GAS7: variants seen among roughly 807,000 people sequenced by gnomAD.
GAS7 encodes the protein growth arrest-specific protein 7.
In GAS7, 28 loss-of-function variants were observed where a neutral mutation model predicts 71.1. That is an observed-to-expected ratio of 0.39 (90% confidence interval 0.29 to 0.54). The LOEUF (loss-of-function observed/expected upper bound fraction) is 0.54, where lower values mean the gene tolerates loss of function less well. Ranked by LOEUF, GAS7 falls within the 20% of genes least tolerant of loss-of-function variation. The pLI, the probability that GAS7 is intolerant of heterozygous loss-of-function variation, is 0.62. For missense variants in GAS7, 436 were observed against 627.8 expected, an observed-to-expected ratio of 0.69 and a Z score of 3.27; for synonymous variants, 258 against 245.8, an observed-to-expected ratio of 1.05 and a Z score of -0.46.
chr17:10,136,449 C>T (rs2074039215), intron 1 of GAS7, among the ~76,000 whole-genome samples: 1 of 152,184 alleles, frequency 6.6e-6, no homozygotes, highest in Non-Finnish European at 1.5e-5. Flanking sequence ...CCAGATTTTC[C>T]AGACTGGGGA....
intron 1 of GAS7, among the ~76,000 whole-genome samples, chr17:10,031,300 G>A (rs538028881): frequency 6.6e-5 from 10 of 152,228 alleles, no homozygotes; most frequent in African/African-American, 2.4e-4. Context: ...TAAAGAAATG[G>A]AGTGATCTGG....
chr17:10,120,445 G>A (rs946440600), intron 1 of GAS7, among the ~76,000 whole-genome samples: 35 of 152,146 alleles, frequency 2.3e-4, no homozygotes, highest in African/African-American at 7.5e-4. Context: ...CGAGTAGAAG[G>A]TCTGTTCTCA....
chr17:10,066,528 CTCTT>C (rs1490558888), intron 1 of GAS7, among the ~76,000 whole-genome samples: 1 of 152,092 alleles, frequency 6.6e-6, no homozygotes, highest in East Asian at 1.9e-4. Flanking sequence ...CAGAGACAGA[CTCTT>C]GCTATATTGC....
At position 9,981,044 on chromosome 17, in the gene GAS7, C is replaced by A. The variant is rs143805640; in HGVS notation, c.385+760G>T. 0.04 allele frequency among the ~76,000 whole-genome samples: 6,091 copies of A among 152,266 alleles called. 154 individuals are homozygous for A. The highest frequency in any genetic ancestry group is 0.068 in the South Asian group (328 of 4,818). ...CGGTGGCTCACACCTTTAATCCCAG[C>A]ACTTTGAGAGGCCAAAACAGGTGGA... On this transcript the variant is annotated intron_variant, in intron 3 of 13. Transcript: ENST00000432992. The surrounding 1 kb of genome is among the most constrained non-coding windows in gnomAD (Gnocchi z 4.4).
At chr17:10,193,756 C>T (rs1183689279) in intron 1 of GAS7, among the ~76,000 whole-genome samples, 3 of 152,136 alleles carry the variant, frequency 2.0e-5, no homozygotes. Context: ...TTGGAGGCTG[C>T]AGTCTAGTTG....
chr17:9,923,304 A>C (rs2152071605), intron 11 of GAS7, among the ~76,000 whole-genome samples: 1 of 152,222 alleles, frequency 6.6e-6, no homozygotes, highest in African/African-American at 2.4e-5. Flanking sequence ...GATCTAAATC[A>C]GCTCCGAAAT....
At chr17:10,008,145 T>C (rs990507062) in intron 2 of GAS7, among the ~76,000 whole-genome samples, 2 of 152,204 alleles carry the variant, frequency 1.3e-5, no homozygotes, top group Non-Finnish European at 2.9e-5. Flanking sequence ...TTGATGGGCA[T>C]TTTGGTTGCT....
At chr17:10,039,871 T>C in intron 1 of GAS7, 2 of 402,784 alleles carry the variant, frequency 5.0e-6, no homozygotes, top group Non-Finnish European at 9.8e-6. Flanking sequence ...ACAATGTGCC[T>C]TTCCCTTGGA....
At chr17:10,128,003 G>A (rs2073963880) in intron 1 of GAS7, among the ~76,000 whole-genome samples, 7 of 152,162 alleles carry the variant, frequency 4.6e-5, no homozygotes, top group Admixed American at 4.6e-4. Flanking sequence ...CAGCTTGGAT[G>A]GACTCCGAGG....
chr17:10,111,341 G>A (rs1334731510), intron 1 of GAS7, among the ~76,000 whole-genome samples: 2 of 37,794 alleles, frequency 5.3e-5, no homozygotes, highest in East Asian at 7.3e-4. Context: ...AGACAATGTT[G>A]GATAACACAG....
rs150408779 is a variant in GAS7, at chr17:10,018,518, T to C, written c.304+1259A>G. Among the ~76,000 whole-genome samples the C allele has an allele frequency of 7.7e-4, 118 of 152,334 alleles. 1 individual carries two copies. In the East Asian group the frequency reaches 0.02, roughly 26 times the overall value. ...TGAAATTTCAAGTCTCCGGTAACAG[T>C]GCAAAGCTGTTCATGTGTTTGTTTT... On this transcript the variant is annotated intron_variant, in intron 2 of 13. Coordinates refer to ENST00000432992, the MANE Select transcript of GAS7 (RefSeq NM_201433.2).
At chr17:9,964,343 T>A (rs909141254) in intron 4 of GAS7, among the ~76,000 whole-genome samples, 1 of 152,120 alleles carries the variant, frequency 6.6e-6, no homozygotes, top group Admixed American at 6.5e-5. Context: ...GTCCCATCCC[T>A]TCAGCAGGTG....
intron 1 of GAS7, among the ~76,000 whole-genome samples, chr17:10,123,117 G>C (rs1476782516): frequency 6.6e-6 from 1 of 152,226 alleles, no homozygotes; most frequent in African/African-American, 2.4e-5. Context: ...CCAGGCATGA[G>C]CCACTGCATC....
intron 3 of GAS7, among the ~76,000 whole-genome samples, chr17:9,972,867 A>G (rs895659507): frequency 1.3e-5 from 2 of 152,232 alleles, no homozygotes; most frequent in Non-Finnish European, 2.9e-5. Context: ...CACAATATTT[A>G]GAAAATAATA....
intron 3 of GAS7, among the ~76,000 whole-genome samples, chr17:9,975,060 T>G (rs2070131653): frequency 6.6e-6 from 1 of 152,172 alleles, no homozygotes; most frequent in African/African-American, 2.4e-5. Flanking sequence ...TCCTCAAAGT[T>G]AGGAAACCTG....
At chr17:10,063,867 G>GA (rs933076461) in intron 1 of GAS7, among the ~76,000 whole-genome samples, 1 of 152,152 alleles carries the variant, frequency 6.6e-6, no homozygotes, top group Non-Finnish European at 1.5e-5. Flanking sequence ...GTGGTGAGGG[G>GA]GGCAGAGGAA....
chr17:9,994,112 A>C (rs2152146366), intron 2 of GAS7, among the ~76,000 whole-genome samples: 1 of 148,032 alleles, frequency 6.8e-6, no homozygotes, highest in South Asian at 2.2e-4. Flanking sequence ...TGCCCAAGGT[A>C]ATTTACAGAT....
chr17:9,988,335 G>A (rs1283218389), intron 2 of GAS7, among the ~76,000 whole-genome samples: 1 of 152,142 alleles, frequency 6.6e-6, no homozygotes, highest in East Asian at 1.9e-4. Context: ...AAGCTGGCTT[G>A]CCCCCAGGCT....
chr17:10,153,034 A>C, intron 1 of GAS7, among the ~76,000 whole-genome samples: 1 of 138,146 alleles, frequency 7.2e-6, no homozygotes, highest in Non-Finnish European at 1.5e-5. Flanking sequence ...CCCCACTAAA[A>C]ATACAAAAAA....
Sources: allele counts gnomAD v4.1 joint callset (sites outside exome capture counted in the v4.1 genomes callset), GRCh38; gene constraint gnomAD v4.1.1; non-coding constraint Gnocchi (gnomAD v3.1); transcripts MANE v1.5; gene names NCBI Gene and HGNC (gene_info 2026-07-23, HGNC 2026-07-21).